The following SLC8A1 variants were observed in gnomAD, a reference collection of about 807,000 sequenced individuals.
The protein encoded by SLC8A1 is sodium/calcium exchanger 1.
SLC8A1 carries 18 observed loss-of-function variants against 68.3 expected under a neutral mutation model. That is an observed-to-expected ratio of 0.26 (90% CI 0.18 to 0.39). The LOEUF is 0.39. SLC8A1 is among the 10% of genes least tolerant of loss of function. SLC8A1 has a pLI of 1.00. For synonymous variants in SLC8A1, 475 were observed against 415.5 expected (o/e 1.14, Z -1.74); for missense variants, 985 against 1,156.7 (o/e 0.85, Z 2.15).
chr2:40,183,501 ACT>A (rs1482565803), intron 2 of SLC8A1, among the ~76,000 whole-genome samples: 1 of 152,180 alleles, frequency 6.6e-6, no homozygotes, highest in African/African-American at 2.4e-5. Context: ...TGGCTCACCA[ACT>A]CTGAGGACTC....
At chr2:40,102,964 A>ATTT in exon 8 of SLC8A1, 2 of 152,312 alleles carry the variant, frequency 1.3e-5, no homozygotes, top group Non-Finnish European at 2.9e-5. Context: ...ATTATAACAG[A>ATTT]AATATTAGCT....
chr2:40,504,743 A>T (rs1472259159), intron 1 of SLC8A1, among the ~76,000 whole-genome samples: 1 of 152,006 alleles, frequency 6.6e-6, no homozygotes, highest in African/African-American at 2.4e-5. Flanking sequence ...GAGAAATGCA[A>T]ATCAAAACTA....
At chr2:40,495,328 T>C (rs1225710117) in intron 1 of SLC8A1, among the ~76,000 whole-genome samples, 3 of 152,046 alleles carry the variant, frequency 2.0e-5, no homozygotes. Context: ...TTGTTATTAA[T>C]CTCTCTATGC....
intron 2 of SLC8A1, among the ~76,000 whole-genome samples, chr2:40,382,302 C>A (rs1682097413): frequency 6.6e-6 from 1 of 152,092 alleles, no homozygotes; most frequent in Non-Finnish European, 1.5e-5. Flanking sequence ...TATTGGTGAA[C>A]TGAACATTCT....
At chr2:40,437,736 C>G (rs1195325104) in intron 1 of SLC8A1, among the ~76,000 whole-genome samples, 4 of 151,882 alleles carry the variant, frequency 2.6e-5, no homozygotes, top group African/African-American at 9.7e-5. Context: ...TTCTTAACAT[C>G]TTAAATTTAA....
chr2:40,383,402 G>T (rs949116055), intron 2 of SLC8A1, among the ~76,000 whole-genome samples: 2 of 151,972 alleles, frequency 1.3e-5, no homozygotes, highest in Non-Finnish European at 2.9e-5. Context: ...ATTTGACACA[G>T]GAACCATCCC....
intron 2 of SLC8A1, among the ~76,000 whole-genome samples, chr2:40,407,524 A>C (rs1690746130): frequency 6.6e-6 from 1 of 151,386 alleles, no homozygotes; most frequent in African/African-American, 2.4e-5. Context: ...TTCCATTTTC[A>C]TTTTATGAAT....
At chr2:40,395,716 G>A (rs550600459) in intron 2 of SLC8A1, among the ~76,000 whole-genome samples, 6 of 152,234 alleles carry the variant, frequency 3.9e-5, no homozygotes, top group African/African-American at 1.2e-4. Flanking sequence ...TATTATCAGA[G>A]TGATAAGAAC....
intron 2 of SLC8A1, among the ~76,000 whole-genome samples, chr2:40,242,344 C>T (rs1438052586): frequency 6.6e-6 from 1 of 152,166 alleles, no homozygotes; most frequent in African/African-American, 2.4e-5. Flanking sequence ...CATTTCCTTT[C>T]ATATTTGCAA....
chr2:40,240,341 G>A (rs1407885403), intron 2 of SLC8A1, among the ~76,000 whole-genome samples: 1 of 152,130 alleles, frequency 6.6e-6, no homozygotes, highest in Non-Finnish European at 1.5e-5. Context: ...ACAGTGATGA[G>A]GGGTAGAAAA....
chr2:40,099,703 C>G (rs1226620843), exon 8 of SLC8A1: 1 of 151,930 alleles, frequency 6.6e-6, no homozygotes, highest in African/African-American at 2.4e-5. Flanking sequence ...GATATGCCAC[C>G]CTTTTCTTTA....
chr2:40,332,817 A>G (rs911268876), intron 2 of SLC8A1, among the ~76,000 whole-genome samples: 1 of 152,218 alleles, frequency 6.6e-6, no homozygotes, highest in Non-Finnish European at 1.5e-5. Context: ...TTCCAGAGTT[A>G]TGTGTTATCA....
At chr2:40,285,342 C>G (rs549868660) in intron 2 of SLC8A1, among the ~76,000 whole-genome samples, 1 of 152,038 alleles carries the variant, frequency 6.6e-6, no homozygotes, top group Non-Finnish European at 1.5e-5. Context: ...CAGACCCATG[C>G]TTTCAGTAGT....
chr2:40,175,456 C>G (rs1029481299), intron 3 of SLC8A1, among the ~76,000 whole-genome samples, 175 bp from the exon 4 acceptor site: 3 of 152,082 alleles, frequency 2.0e-5, no homozygotes, highest in African/African-American at 7.2e-5. Context: ...TCTGAATAAA[C>G]AATCCCAACT....
intron 2 of SLC8A1, among the ~76,000 whole-genome samples, chr2:40,194,746 A>G (rs895615904): frequency 2.0e-5 from 3 of 146,764 alleles, no homozygotes; most frequent in African/African-American, 7.7e-5. Context: ...GGTAGCAGCA[A>G]TTATGTCATA....
At chr2:40,437,380 A>G (rs1227333280) in intron 1 of SLC8A1, among the ~76,000 whole-genome samples, 2 of 152,094 alleles carry the variant, frequency 1.3e-5, no homozygotes, top group African/African-American at 4.8e-5. Flanking sequence ...CCACTCCCCA[A>G]GTAAGTATTG....
Position 40,305,596 on chromosome 2 carries a change from T to C in SLC8A1, c.1808+122877A>G, listed in dbSNP as rs2072419680. Reference sequence around the variant, plus strand: ...GATAAGCATTTGACACAGTGTGTGCTCAATAAGTTTGTTAGATACACAAAT... The same window carrying C: ...GATAAGCATTTGACACAGTGTGTGCCCAATAAGTTTGTTAGATACACAAAT... On this transcript the variant is annotated intron_variant, in intron 2 of 7. Transcript: ENST00000406785. Among the ~76,000 whole-genome samples the C allele has an allele frequency of 2.0e-5, 3 of 152,316 alleles. No individual in the cohort carries two copies. In the South Asian group the frequency reaches 6.2e-4, roughly 32 times the overall value.
At chr2:40,240,031 G>T (rs369553716) in intron 2 of SLC8A1, among the ~76,000 whole-genome samples, 1 of 152,120 alleles carries the variant, frequency 6.6e-6, no homozygotes, top group Non-Finnish European at 1.5e-5. Flanking sequence ...TGAAACCAGC[G>T]CTTACCTCCA....
intron 2 of SLC8A1, among the ~76,000 whole-genome samples, chr2:40,208,769 G>A (rs1469853558): frequency 6.6e-6 from 1 of 152,100 alleles, no homozygotes; most frequent in Non-Finnish European, 1.5e-5. Context: ...TGAGAAACCA[G>A]AGGGCAATTA....
Sources: gnomAD v4.1 joint callset for allele counts (sites outside exome capture counted in the v4.1 genomes callset) on GRCh38, gnomAD v4.1.1 for gene constraint, MANE v1.5 for transcripts, NCBI Gene and HGNC (gene_info 2026-07-23, HGNC 2026-07-21) for gene names.